The following NAALADL2 variants were observed in gnomAD, a reference collection of about 807,000 sequenced individuals.
NAALADL2 encodes the protein N-acetylated alpha-linked acidic dipeptidase like 2.
Under a neutral mutation model 87.2 loss-of-function variants are expected in NAALADL2, and 76 were observed. That is an observed-to-expected ratio of 0.87 (90% CI 0.72 to 1.05). The LOEUF (loss-of-function observed/expected upper bound fraction) is 1.05, where lower values mean the gene tolerates loss of function less well. Ranked by LOEUF, NAALADL2 falls within the 50% of genes least tolerant of loss-of-function variation. The pLI is 0.00. For synonymous variants in NAALADL2, 354 were observed against 331.0 expected, an observed-to-expected ratio of 1.07 and a Z score of -0.75; for missense variants, 1,089 against 945.8, an observed-to-expected ratio of 1.15 and a Z score of -1.99.
At chr3:175,361,154 T>A (rs1476623774) in intron 5 of NAALADL2, among the ~76,000 whole-genome samples, 2 of 152,094 alleles carry the variant, frequency 1.3e-5, no homozygotes, top group African/African-American at 4.8e-5. Context: ...TTGCTCAGAA[T>A]GATGTTTTCC....
chr3:174,454,389 C>T (rs887593320), intron 1 of NAALADL2, among the ~76,000 whole-genome samples: 1 of 152,076 alleles, frequency 6.6e-6, no homozygotes. Flanking sequence ...TCAAATGGAC[C>T]TGGTAGACAT....
At chr3:175,795,708 AAAAT>A (rs1444866548) in intron 13 of NAALADL2, among the ~76,000 whole-genome samples, 7 of 150,264 alleles carry the variant, frequency 4.7e-5, no homozygotes, top group Non-Finnish European at 7.4e-5. Context: ...AAAATAAAAT[AAAAT>A]AAATAAAAAA....
intron 5 of NAALADL2, among the ~76,000 whole-genome samples, chr3:175,396,253 C>T (rs575634315): frequency 2.6e-5 from 4 of 152,186 alleles, no homozygotes; most frequent in East Asian, 3.9e-4. Context: ...CAAAGTAGTT[C>T]ATTCTGAGTA....
intron 1 of NAALADL2, among the ~76,000 whole-genome samples, chr3:174,507,257 A>G (rs1719255867): frequency 6.6e-6 from 1 of 152,180 alleles, no homozygotes; most frequent in African/African-American, 2.4e-5. Flanking sequence ...TTGATTTAAA[A>G]TGCTTCACTT....
At chr3:175,133,170 C>T (rs541839008) in intron 2 of NAALADL2, among the ~76,000 whole-genome samples, 12,327 of 146,560 alleles carry the variant, frequency 0.084, 531 homozygotes, top group South Asian at 0.1. Context: ...GGATGGCCGC[C>T]GGGAAGAGGC....
chr3:175,255,824 G>A (rs924966748), intron 3 of NAALADL2, among the ~76,000 whole-genome samples: 1 of 152,146 alleles, frequency 6.6e-6, no homozygotes, highest in Non-Finnish European at 1.5e-5. Flanking sequence ...ATAATTTGGG[G>A]CCATGTTCTA....
intron 3 of NAALADL2, among the ~76,000 whole-genome samples, chr3:174,807,849 G>T (rs1023378855): frequency 1.4e-5 from 2 of 140,112 alleles, no homozygotes; most frequent in Admixed American, 1.5e-4. Flanking sequence ...ATAATAGTTT[G>T]CTTATCACTA....
intron 9 of NAALADL2, among the ~76,000 whole-genome samples, chr3:175,503,870 C>T (rs1472700505): frequency 6.6e-6 from 1 of 152,010 alleles, no homozygotes; most frequent in South Asian, 2.1e-4. Flanking sequence ...TTTCTCCAAT[C>T]CTGTAAGTTG....
intron 4 of NAALADL2, among the ~76,000 whole-genome samples, chr3:175,268,479 CACTTTACAATT>C (rs1752311448): frequency 6.6e-6 from 1 of 151,990 alleles, no homozygotes; most frequent in South Asian, 2.1e-4. Context: ...ACTTTATAAA[CACTTTACAATT>C]AGACTACAGT....
intron 1 of NAALADL2, among the ~76,000 whole-genome samples, chr3:174,929,576 A>C (rs1736577901): frequency 6.6e-6 from 1 of 152,146 alleles, no homozygotes; most frequent in Non-Finnish European, 1.5e-5. Flanking sequence ...GCTATGATAC[A>C]TATTATTATG....
chr3:175,350,897 T>A (rs1430653031), intron 5 of NAALADL2, among the ~76,000 whole-genome samples: 1 of 152,178 alleles, frequency 6.6e-6, no homozygotes, highest in Non-Finnish European at 1.5e-5. Flanking sequence ...TCTTTTTTTT[T>A]CTCAAATGGA....
chr3:175,325,967 C>T (rs1232964545), intron 5 of NAALADL2, among the ~76,000 whole-genome samples: 1 of 152,104 alleles, frequency 6.6e-6, no homozygotes, highest in Non-Finnish European at 1.5e-5. Flanking sequence ...TTTTACATTA[C>T]AAGGTTGCAA....
At chr3:174,687,016 C>T (rs1000467166) in intron 2 of NAALADL2, among the ~76,000 whole-genome samples, 2 of 151,932 alleles carry the variant, frequency 1.3e-5, no homozygotes, top group African/African-American at 4.8e-5. Context: ...CTTTCTGCCC[C>T]AGTCTGTCTT....
chr3:175,476,066 T>TG (rs1444480481), intron 9 of NAALADL2, among the ~76,000 whole-genome samples: 1 of 152,214 alleles, frequency 6.6e-6, no homozygotes, highest in African/African-American at 2.4e-5. Flanking sequence ...TTTAAGTCTC[T>TG]GAAACAGTAG....
At chr3:175,735,768 A>G (rs982864755) in intron 11 of NAALADL2, among the ~76,000 whole-genome samples, 50 of 152,302 alleles carry the variant, frequency 3.3e-4, no homozygotes, top group African/African-American at 1.1e-3. Flanking sequence ...GAGCTACAAG[A>G]TGAAATTTGG....
chr3:175,553,204 G>T (rs1714714494), intron 9 of NAALADL2, among the ~76,000 whole-genome samples: 1 of 152,146 alleles, frequency 6.6e-6, no homozygotes, highest in Non-Finnish European at 1.5e-5. Flanking sequence ...TCATGTAGCA[G>T]TTGTTGAATA....
intron 10 of NAALADL2, among the ~76,000 whole-genome samples, chr3:175,599,397 A>G (rs572043940): frequency 1.1e-4 from 16 of 152,206 alleles, no homozygotes; most frequent in African/African-American, 3.8e-4. Flanking sequence ...ACATCTTATT[A>G]TATATAAATT....
At chr3:174,958,493 G>C (rs1281135689) in intron 1 of NAALADL2, among the ~76,000 whole-genome samples, 1 of 151,744 alleles carries the variant, frequency 6.6e-6, no homozygotes, top group Non-Finnish European at 1.5e-5. Context: ...CATCCCCAAG[G>C]GTTTATACTC....
At chr3:174,649,373 C>T (rs1024973340) in intron 2 of NAALADL2, among the ~76,000 whole-genome samples, 1 of 152,032 alleles carries the variant, frequency 6.6e-6, no homozygotes, top group Non-Finnish European at 1.5e-5. Flanking sequence ...AGTTGTCCTT[C>T]TTTCTGATTT....
Sources: gnomAD v4.1 joint callset for allele counts (sites outside exome capture counted in the v4.1 genomes callset) on GRCh38, gnomAD v4.1.1 for gene constraint, MANE v1.5 for transcripts, NCBI Gene and HGNC (gene_info 2026-07-23, HGNC 2026-07-21) for gene names.